Variants in GNAQ observed in about 807,000 individuals in gnomAD.
The protein encoded by GNAQ is guanine nucleotide-binding protein G(q) subunit alpha.
In GNAQ, 8 loss-of-function variants were observed where a neutral mutation model predicts 43.9. The ratio of observed to expected loss-of-function variants is 0.18; its 90% confidence interval spans 0.11 to 0.33. The LOEUF is 0.33. Ranked by LOEUF, GNAQ falls within the 10% of genes least tolerant of loss-of-function variation. The probability of loss-of-function intolerance (pLI) is 1.00; values close to 1 mark genes in which losing one functional copy is unlikely to be tolerated. For missense variants in GNAQ, 158 were observed against 450.8 expected (o/e 0.35, Z 5.88); for synonymous variants, 155 against 170.7 (o/e 0.91, Z 0.71).
At chr9:77,799,364 T>C (rs1826707198) in intron 3 of GNAQ, among the ~76,000 whole-genome samples, 1 of 152,208 alleles carries the variant, frequency 6.6e-6, no homozygotes, top group African/African-American at 2.4e-5. Context: ...ATGTTATAAT[T>C]GAACAATAAC....
At chr9:77,798,769 G>T (rs988764219) in intron 3 of GNAQ, among the ~76,000 whole-genome samples, 1 of 152,064 alleles carries the variant, frequency 6.6e-6, no homozygotes, top group Non-Finnish European at 1.5e-5. Context: ...GACAAGAAAA[G>T]TCTGTACATG....
chr9:77,757,644 A>C (rs1825925179), intron 5 of GNAQ, among the ~76,000 whole-genome samples: 1 of 152,252 alleles, frequency 6.6e-6, no homozygotes, highest in Non-Finnish European at 1.5e-5. Context: ...ACCATCAGCT[A>C]TCACGATAGT....
intron 2 of GNAQ, among the ~76,000 whole-genome samples, chr9:77,910,508 G>A (rs577597444): frequency 2.6e-5 from 4 of 152,268 alleles, no homozygotes; most frequent in Non-Finnish European, 5.9e-5. Flanking sequence ...GTTTTATATG[G>A]TGGCTGTCAA....
At chr9:77,726,648 G>A (rs912057322) in intron 6 of GNAQ, among the ~76,000 whole-genome samples, 2 of 152,188 alleles carry the variant, frequency 1.3e-5, no homozygotes, top group Admixed American at 1.3e-4. Context: ...GATATCATAT[G>A]TTGACAATGT....
Position 77,767,630 on chromosome 9 carries a change from G to A in GNAQ, c.735+26833C>T, listed in dbSNP as rs78002716. Among the ~76,000 whole-genome samples, 1,090 of 152,306 alleles carry A rather than the reference G, an allele frequency of 7.2e-3. 15 individuals carry two copies. Among genetic ancestry groups the A allele is most frequent in the African/African-American group, 0.025 (1,045 of 41,556 alleles). The stretch of plus-strand genomic sequence containing the variant: ...CTACAAGAAGCTCCTAGTGCAATTC[G>A]ATAAAATGGGATGAGACTATTGATA... On this transcript the variant is annotated intron_variant, in intron 5 of 6. Transcript: ENST00000286548.
At chr9:78,021,820 G>C (rs570179859) in intron 1 of GNAQ, among the ~76,000 whole-genome samples, 95 of 152,338 alleles carry the variant, frequency 6.2e-4, no homozygotes, top group Non-Finnish European at 1.0e-3. Context: ...CAAACAAAAA[G>C]AAGTAGTAAG....
intron 2 of GNAQ, among the ~76,000 whole-genome samples, chr9:77,848,518 CT>C (rs1827621790): frequency 6.6e-6 from 1 of 152,256 alleles, no homozygotes; most frequent in Admixed American, 6.5e-5. Context: ...TGACAGACTG[CT>C]GGGATACAGA....
intron 1 of GNAQ, among the ~76,000 whole-genome samples, chr9:77,929,837 A>C (rs1021984615): frequency 3.3e-5 from 5 of 152,272 alleles, no homozygotes; most frequent in Admixed American, 6.5e-5. Flanking sequence ...CACACACACA[A>C]AAATTTTTTT....
chr9:77,902,982 G>A (rs1170980282), intron 2 of GNAQ, among the ~76,000 whole-genome samples: 1 of 152,120 alleles, frequency 6.6e-6, no homozygotes, highest in African/African-American at 2.4e-5. Flanking sequence ...AATCTTAGGA[G>A]TAAGTAAAAT....
intron 1 of GNAQ, among the ~76,000 whole-genome samples, chr9:77,964,658 T>C (rs1823144544): frequency 7.0e-6 from 1 of 142,102 alleles, no homozygotes; most frequent in Non-Finnish European, 1.5e-5. Flanking sequence ...ATCTGCAAAC[T>C]AAAAATAAAA....
chr9:77,794,842 T>C (rs1178848784), intron 4 of GNAQ, among the ~76,000 whole-genome samples: 2 of 152,168 alleles, frequency 1.3e-5, no homozygotes, highest in African/African-American at 4.8e-5. Context: ...ACTGTAACAC[T>C]GTAAAAAACA....
At chr9:77,869,927 G>A (rs947009346) in intron 2 of GNAQ, among the ~76,000 whole-genome samples, 4 of 152,154 alleles carry the variant, frequency 2.6e-5, no homozygotes, top group African/African-American at 9.7e-5. Flanking sequence ...ATGAGTATGT[G>A]AAAAATTCAT....
At chr9:77,760,936 G>A (rs980408472) in intron 5 of GNAQ, among the ~76,000 whole-genome samples, 9 of 150,244 alleles carry the variant, frequency 6.0e-5, no homozygotes, top group South Asian at 2.1e-4. Context: ...CTGCCCAGCC[G>A]CCCCATCTGA....
At position 77,894,403 on chromosome 9, in the gene GNAQ, T is replaced by C. The variant is rs1455234243; in HGVS notation, c.321+27758A>G. Among the ~76,000 whole-genome samples the C allele has an allele frequency of 7.7e-3, 4 of 520 alleles. No homozygotes were observed. The East Asian group carries it at 0.1, about 13-fold the overall frequency. 0.3% of individuals were successfully genotyped at this position (520 alleles called of 152,430 possible). On this transcript the variant is annotated intron_variant, in intron 2 of 6. Transcript: ENST00000286548. Reference sequence around the variant, plus strand: ...TTTAATAGAAAAAAAATATATATTTTATATATATATTTAATAGAAAAAATA... The same window carrying C: ...TTTAATAGAAAAAAAATATATATTTCATATATATATTTAATAGAAAAAATA...
intron 2 of GNAQ, among the ~76,000 whole-genome samples, chr9:77,877,091 T>C (rs758697604): frequency 1.3e-5 from 2 of 152,198 alleles, no homozygotes; most frequent in Non-Finnish European, 2.9e-5. Flanking sequence ...CCATTTTCAA[T>C]AGGGATGTTC....
At chr9:77,776,089 A>T (rs1171729624) in intron 5 of GNAQ, among the ~76,000 whole-genome samples, 1 of 152,236 alleles carries the variant, frequency 6.6e-6, no homozygotes, top group East Asian at 1.9e-4. Context: ...ACAGGCTTGC[A>T]ACAACATAAC....
chr9:77,816,734 GA>G (rs1827023895), intron 2 of GNAQ, among the ~76,000 whole-genome samples: 1 of 152,108 alleles, frequency 6.6e-6, no homozygotes, highest in Non-Finnish European at 1.5e-5. Context: ...ATTTTGTATA[GA>G]AATACAAACT....
At chr9:77,829,065 A>T (rs889784333) in intron 2 of GNAQ, among the ~76,000 whole-genome samples, 2 of 152,148 alleles carry the variant, frequency 1.3e-5, no homozygotes, top group African/African-American at 4.8e-5. Context: ...CTGGGGTGGG[A>T]CAAGAGCTGC....
chr9:77,816,366 A>G (rs945376532), intron 2 of GNAQ, among the ~76,000 whole-genome samples: 1 of 152,144 alleles, frequency 6.6e-6, no homozygotes, highest in Non-Finnish European at 1.5e-5. Context: ...CTTTCAAAAT[A>G]TTTGTTTTGT....
Sources: gnomAD v4.1 joint callset for allele counts (sites outside exome capture counted in the v4.1 genomes callset) on GRCh38, gnomAD v4.1.1 for gene constraint, MANE v1.5 for transcripts, NCBI Gene and HGNC (gene_info 2026-07-23, HGNC 2026-07-21) for gene names.